Variants in EIPR1 observed in about 807,000 individuals in gnomAD.
The protein encoded by EIPR1 is EARP and GARP complex-interacting protein 1.
Under a neutral mutation model 48.1 loss-of-function variants are expected in EIPR1, and 25 were observed. The observed-to-expected ratio is 0.52, with a 90% CI of 0.38 to 0.73. EIPR1 has a LOEUF of 0.73. EIPR1 is among the 30% of genes least tolerant of loss of function. The pLI is 0.00. For missense variants in EIPR1, 415 were observed against 506.2 expected (o/e 0.82, Z 1.73); for synonymous variants, 204 against 201.9 (o/e 1.01, Z -0.09).
At chr2:3,360,571 C>T (rs528373857) in intron 1 of EIPR1, among the ~76,000 whole-genome samples, 3 of 152,298 alleles carry the variant, frequency 2.0e-5, no homozygotes, top group African/African-American at 7.2e-5. Context: ...CTTACAACTA[C>T]TTAGAGTAGG....
chr2:3,321,220 C>G (rs1372308400), intron 3 of EIPR1, among the ~76,000 whole-genome samples: 1 of 152,180 alleles, frequency 6.6e-6, no homozygotes, highest in African/African-American at 2.4e-5. Context: ...GCACCAGCAT[C>G]ATGAGAAAAT....
intron 7 of EIPR1, among the ~76,000 whole-genome samples, chr2:3,193,048 C>T (rs555712951): frequency 6.6e-6 from 1 of 152,312 alleles, no homozygotes; most frequent in African/African-American, 2.4e-5. Context: ...GATCAGCTTT[C>T]TTGCTGGCGT....
At chr2:3,310,652 C>CAAAA (rs751422009) in intron 3 of EIPR1, among the ~76,000 whole-genome samples, 2 of 55,264 alleles carry the variant, frequency 3.6e-5, no homozygotes, top group Admixed American at 2.0e-4. Context: ...GACTCCGTCT[C>CAAAA]AAAAAAAAAA....
chr2:3,377,452 G>A (rs1200352400), intron 1 of EIPR1, 196 bp downstream of exon 1: 3 of 566,380 alleles, frequency 5.3e-6, no homozygotes, highest in Non-Finnish European at 8.8e-6. Context: ...CAGGCCGGCT[G>A]TGGCCAACCC....
Position 3,189,159 on chromosome 2 carries a change from C to G in EIPR1, c.*175G>C, listed in dbSNP as rs548445017. 2 of 583,982 alleles carry G rather than the reference C, an allele frequency of 3.4e-6. No individual in the cohort carries two copies. Among genetic ancestry groups the G allele is most frequent in the Non-Finnish European group, 5.4e-6 (2 of 370,858 alleles). The allele number at this position is 583,982 out of a possible 1,614,324, so 36.2% of individuals were successfully genotyped here. Reference sequence around the variant, plus strand: ...TGGGTTCGGGCATTAGCTGTGCCGTCGACAATAGCCCCATTCACCCCATTC... The same window carrying G: ...TGGGTTCGGGCATTAGCTGTGCCGTGGACAATAGCCCCATTCACCCCATTC... On this transcript the variant is annotated 3_prime_UTR_variant, in exon 9 of 9. Transcript: ENST00000382125. This position sits in a 1 kb window ranked among gnomAD's most constrained non-coding sequence, Gnocchi z 4.6.
intron 3 of EIPR1, among the ~76,000 whole-genome samples, chr2:3,273,228 T>A (rs997505846): frequency 7.9e-5 from 12 of 152,248 alleles, no homozygotes; most frequent in African/African-American, 2.9e-4. Context: ...CTTAGATATA[T>A]TTTTGAAGGC....
At chr2:3,300,888 C>T (rs1668744721) in intron 3 of EIPR1, 1 of 152,198 alleles carries the variant, frequency 6.6e-6, no homozygotes, top group Admixed American at 6.5e-5. Flanking sequence ...TCCAACAGCA[C>T]AGGCTTCTGT....
intron 8 of EIPR1, among the ~76,000 whole-genome samples, chr2:3,190,022 G>C (rs1664548856): frequency 6.6e-6 from 1 of 152,088 alleles, no homozygotes; most frequent in Non-Finnish European, 1.5e-5. Flanking sequence ...GTGGGGCTGG[G>C]CTGAGGATCC....
At position 3,214,540 on chromosome 2, in the gene EIPR1, C is replaced by T. The variant is rs184130428; in HGVS notation, c.417-292G>A. 166 of 240,254 alleles carry T rather than the reference C, an allele frequency of 6.9e-4. 1 individual carries two copies. The highest frequency in any genetic ancestry group is 3.4e-3 in the African/African-American group (151 of 44,264). The allele number at this position is 240,254 out of a possible 1,614,324, so 14.9% of individuals were successfully genotyped here. On this transcript the variant is annotated intron_variant, in intron 4 of 8. Coordinates refer to ENST00000382125, the MANE Select transcript of EIPR1 (RefSeq NM_003310.5). ...TACACAGGGGCTATGTCCTCACATCCGTCGTAAGTTTAAAATACCGTGAGC... is the reference window on the plus strand; with the variant it reads ...TACACAGGGGCTATGTCCTCACATCTGTCGTAAGTTTAAAATACCGTGAGC...
intron 1 of EIPR1, among the ~76,000 whole-genome samples, chr2:3,371,702 C>T (rs1671119468): frequency 1.3e-5 from 2 of 152,154 alleles, no homozygotes; most frequent in Non-Finnish European, 2.9e-5. Context: ...TATATATGCA[C>T]CCAATACAGG....
chr2:3,346,137 G>A (rs1281433132), intron 2 of EIPR1, among the ~76,000 whole-genome samples: 1 of 152,232 alleles, frequency 6.6e-6, no homozygotes, highest in African/African-American at 2.4e-5. Flanking sequence ...CCATGCGGGA[G>A]GGCCACCACT....
Position 3,189,329 on chromosome 2 carries a change from G to T in EIPR1, c.*5C>A, listed in dbSNP as rs201213681. 6.4e-7 allele frequency: 1 copy of T among 1,572,474 alleles called. No individual in the cohort carries two copies. The highest frequency in any genetic ancestry group is 8.7e-7 in the Non-Finnish European group (1 of 1,150,430). On this transcript the variant is annotated 3_prime_UTR_variant, in exon 9 of 9. Transcript: ENST00000382125. The surrounding 1 kb of genome is among the most constrained non-coding windows in gnomAD (Gnocchi z 4.6). ...AATGGGACCTGGATAACCCAGGCCC[G>T]GGAGTCATAGCAGGATGTGGTACTT... is the stretch of plus-strand genomic sequence containing the variant.
At chr2:3,264,078 T>C (rs1175216777) in intron 3 of EIPR1, among the ~76,000 whole-genome samples, 1 of 152,220 alleles carries the variant, frequency 6.6e-6, no homozygotes, top group Non-Finnish European at 1.5e-5. Context: ...AGACATCCAA[T>C]AGATCTCTGG....
intron 4 of EIPR1, among the ~76,000 whole-genome samples, chr2:3,218,587 G>C (rs192509709): frequency 2.9e-3 from 222 of 75,334 alleles, no homozygotes; most frequent in Middle Eastern, 0.021. Context: ...GAGTCAGGTG[G>C]ACACCCAACA....
chr2:3,375,398 AG>A (rs1396538233), intron 1 of EIPR1, among the ~76,000 whole-genome samples: 1 of 144,232 alleles, frequency 6.9e-6, no homozygotes, highest in Non-Finnish European at 1.6e-5. Flanking sequence ...TAAAAAAAAA[AG>A]AGAGAAAAAA....
At chr2:3,220,040 T>C (rs977283575) in intron 4 of EIPR1, among the ~76,000 whole-genome samples, 1 of 152,160 alleles carries the variant, frequency 6.6e-6, no homozygotes, top group Admixed American at 6.5e-5. Flanking sequence ...TTGTGAACTG[T>C]GCATGAGAGG....
chr2:3,319,249 A>G, intron 3 of EIPR1: 1 of 319,518 alleles, frequency 3.1e-6, no homozygotes, highest in Non-Finnish European at 6.2e-6. Context: ...GAAGCCTTGT[A>G]GCTGTAGGTC....
intron 3 of EIPR1, among the ~76,000 whole-genome samples, chr2:3,321,489 G>A (rs1183941414): frequency 6.6e-6 from 1 of 152,106 alleles, no homozygotes; most frequent in African/African-American, 2.4e-5. Context: ...TTCTTTCAAA[G>A]GGCTCTCGGT....
intron 4 of EIPR1, among the ~76,000 whole-genome samples, chr2:3,243,906 ACT>A (rs1316057751): frequency 1.3e-5 from 2 of 152,072 alleles, no homozygotes. Context: ...CACAGTCCTG[ACT>A]CTCCATCCCA....
Sources: allele counts gnomAD v4.1 joint callset (sites outside exome capture counted in the v4.1 genomes callset), GRCh38; gene constraint gnomAD v4.1.1; non-coding constraint Gnocchi (gnomAD v3.1); transcripts MANE v1.5; gene names NCBI Gene and HGNC (gene_info 2026-07-23, HGNC 2026-07-21).